SMC5: variants seen among roughly 807,000 people sequenced by gnomAD.
SMC5 encodes structural maintenance of chromosomes protein 5.
A neutral mutation model predicts 148.3 loss-of-function variants in SMC5; 88 were observed. That is an observed-to-expected ratio of 0.59 (90% CI 0.50 to 0.71). SMC5 has a LOEUF of 0.71. Among genes scored for constraint, SMC5 ranks in the 30% least tolerant of loss-of-function variants. The pLI is 0.00. For synonymous variants in SMC5, 421 were observed against 432.8 expected (o/e 0.97, Z 0.34); for missense variants, 1,142 against 1,298.9 (o/e 0.88, Z 1.86).
rs376654321 is a variant in SMC5 at position 70,303,497 on chromosome 9, G to A, written c.1465-1750G>A. On this transcript the variant is annotated intron_variant, in intron 10 of 24. Transcript: ENST00000361138. ...TTGTTCATAGCGTTTATGCCTGGAT[G>A]ATGGTTTTCATGTGGTTTTAATTTT... Among the ~76,000 whole-genome samples the A allele has an allele frequency of 3.3e-5, 5 of 152,126 alleles. No individual in the cohort carries two copies. The East Asian group carries it at 9.6e-4, about 29-fold the overall frequency.
In SMC5 at chr9:70,322,277, C is replaced by T. The variant is rs747542743; in HGVS notation, c.2151-1206C>T. Among the ~76,000 whole-genome samples the T allele has an allele frequency of 5.1e-4, 78 of 152,286 alleles. 1 individual carries two copies. Among genetic ancestry groups the T allele is most frequent in the Admixed American group, 2.9e-3 (45 of 15,302 alleles). On this transcript the variant is annotated intron_variant, in intron 15 of 24. Coordinates refer to ENST00000361138, the MANE Select transcript of SMC5 (RefSeq NM_015110.4). Reference sequence around the variant, plus strand: ...CATTCCTATTCAATCTTCTGCAAAACGCTCAACCTTTATTGCGCAATTGCT... The same window carrying T: ...CATTCCTATTCAATCTTCTGCAAAATGCTCAACCTTTATTGCGCAATTGCT...
At chr9:70,291,467 T>A (rs2035058645) in intron 8 of SMC5, among the ~76,000 whole-genome samples, 1 of 152,232 alleles carries the variant, frequency 6.6e-6, no homozygotes, top group South Asian at 2.1e-4. Flanking sequence ...CAGGTCTTTC[T>A]GGATCATGTA....
rs753577482 is a variant in SMC5 at position 70,286,294 on chromosome 9, T to G, written c.1053+23T>G. 5.4e-6 allele frequency: 8 copies of G among 1,470,018 alleles called. No individual in the cohort carries two copies. In the African/African-American group the frequency reaches 8.5e-5, roughly 16 times the overall value. 91.1% of individuals were successfully genotyped at this position (1,470,018 alleles called of 1,614,324 possible). ...CATGTAAGGTTTCATACTAAAATTT[T>G]TATTACATTAAAGTTTGCTCTAACT... On this transcript the variant is annotated intron_variant, in intron 8 of 24. Transcript: ENST00000361138.
intron 13 of SMC5, 142 bp downstream of exon 13, chr9:70,315,720 A>G (rs541598020): frequency 1.4e-5 from 8 of 582,346 alleles, no homozygotes; most frequent in Non-Finnish European, 2.1e-5. Context: ...ATTTGTATTA[A>G]TTATTTTCCA....
chr9:70,332,625 A>T (rs1367757695), intron 17 of SMC5, among the ~76,000 whole-genome samples: 2 of 152,120 alleles, frequency 1.3e-5, no homozygotes, highest in Admixed American at 6.5e-5. Context: ...TGAGGCCAGC[A>T]TTACCTGATA....
rs1351122299 is a variant in SMC5, at chr9:70,353,608, T to C, written c.*1277T>C. 6.6e-6 allele frequency: 1 copy of C among 152,186 alleles called. No homozygotes were observed. The highest frequency in any genetic ancestry group is 2.4e-5 in the African/African-American group (1 of 41,452). The allele number at this position is 152,186 out of a possible 1,614,324, so 9.4% of individuals were successfully genotyped here. ...GGTTTTGTATATTCTTAAGTAGCCATTGAAATTTATATTCTTAACTAGGTC... is the reference window on the plus strand; with the variant it reads ...GGTTTTGTATATTCTTAAGTAGCCACTGAAATTTATATTCTTAACTAGGTC... On this transcript the variant is annotated 3_prime_UTR_variant, in exon 25 of 25. Coordinates refer to ENST00000361138, the MANE Select transcript of SMC5 (RefSeq NM_015110.4).
chr9:70,292,669 G>C (rs965330580), intron 8 of SMC5, among the ~76,000 whole-genome samples: 3 of 152,168 alleles, frequency 2.0e-5, no homozygotes, highest in African/African-American at 2.4e-5. Context: ...GTCAGATTCA[G>C]GAAATTCTTA....
Position 70,352,238 on chromosome 9 carries a change from C to T in SMC5, c.3213C>T (p.Val1071=). ...PYSEKMTVLF[V]YNGPHMLEPN... is the part of the protein sequence containing the mutation. ...CTGAAAAGATGACAGTTTTGTTTGT[C>T]TACAATGGCCCTCATATGCTGGAAC... The change falls in exon 25 of 25, where the codon GTC becomes GTT. Residue 1071 remains valine, a synonymous_variant. Coordinates refer to ENST00000361138, the MANE Select transcript of SMC5 (RefSeq NM_015110.4). 6.2e-7 allele frequency: 1 copy of T among 1,612,708 alleles called. No homozygotes were observed. The highest frequency in any genetic ancestry group is 8.5e-7 in the Non-Finnish European group (1 of 1,179,622).
chr9:70,314,756 A>G lies in SMC5; in HGVS notation c.1593A>G (p.Lys531=). Residue 531 remains lysine, a synonymous_variant, in exon 12 of 25, where the codon AAA becomes AAG. Transcript: ENST00000361138. ...CCTATATTCAGGTTCGTGACAATAA[A>G]AAATTAAGAGTAAATGCTGTTATTG... ...EVFLKEVRDN[K]KLRVNAVIAP... is the part of the protein sequence containing the mutation. The G allele has an allele frequency of 6.4e-7, 1 of 1,554,036 alleles. No homozygotes were observed.
Position 70,322,989 on chromosome 9 carries a change from C to T in SMC5, c.2151-494C>T, listed in dbSNP as rs559316561. 4.6e-5 allele frequency among the ~76,000 whole-genome samples: 7 copies of T among 152,298 alleles called. No homozygotes were observed. The South Asian group carries it at 1.5e-3, about 32-fold the overall frequency. Reference sequence around the variant, plus strand: ...CCCTCCCCTCCCCAACATACTCGTCCTTGTACCATTCTGGCCACTCTCTAC... The same window carrying T: ...CCCTCCCCTCCCCAACATACTCGTCTTTGTACCATTCTGGCCACTCTCTAC... On this transcript the variant is annotated intron_variant, in intron 15 of 24. Transcript: ENST00000361138.
At position 70,314,781 on chromosome 9, in the gene SMC5, G is replaced by C. The variant is rs2041704861; in HGVS notation, c.1618G>C (p.Ala540Pro). ...AAAATTAAGAGTAAATGCTGTTATT[G>C]CTCCCAAGAGTTCATATGCAGACAA... ...NKKLRVNAVI[A>P]PKSSYADKAP... The change falls in exon 12 of 25, where the codon GCT (alanine) becomes CCT (proline). Residue 540 changes from alanine to proline, a missense_variant. This residue lies in a region of SMC5 where 743 missense variants were observed against 835.7 expected (regional missense o/e 0.89). Coordinates refer to ENST00000361138, the MANE Select transcript of SMC5 (RefSeq NM_015110.4). 1.9e-6 allele frequency: 3 copies of C among 1,572,334 alleles called. No individual in the cohort carries two copies. Among genetic ancestry groups the C allele is most frequent in the Non-Finnish European group, 2.6e-6 (3 of 1,158,706 alleles).
intron 8 of SMC5, among the ~76,000 whole-genome samples, chr9:70,296,771 G>A (rs956229216): frequency 4.6e-5 from 7 of 152,106 alleles, no homozygotes; most frequent in African/African-American, 7.2e-5. Flanking sequence ...TGTAAATTGG[G>A]CATATAAGTG....
intron 7 of SMC5, among the ~76,000 whole-genome samples, chr9:70,284,260 A>G (rs1046139570): frequency 3.9e-5 from 6 of 152,212 alleles, no homozygotes; most frequent in Non-Finnish European, 7.3e-5. Context: ...AAGATCAGAT[A>G]AAGGTTTTAG....
At position 70,350,499 on chromosome 9, in the gene SMC5, C is replaced by A; in HGVS notation, c.3165+28C>A. 2.0e-6 allele frequency: 3 copies of A among 1,470,046 alleles called. No homozygotes were observed. The South Asian group carries it at 3.8e-5, about 19-fold the overall frequency. 91.1% of individuals were successfully genotyped at this position (1,470,046 alleles called of 1,614,324 possible). ...AGGTAAAAAGTAACCTAAAAGTGGT[C>A]ATATACTCAGAAATCTCCTGTGACA... On this transcript the variant is annotated intron_variant, in intron 24 of 24. Coordinates refer to ENST00000361138, the MANE Select transcript of SMC5 (RefSeq NM_015110.4).
rs1303008566 is a variant in SMC5 at position 70,337,464 on chromosome 9, TTTTTTTTTTTG to T, written c.2398-6679_2398-6669del. 4.3e-4 allele frequency among the ~76,000 whole-genome samples: 18 copies of T among 41,858 alleles called. No individual in the cohort carries two copies. The Admixed American group carries it at 6.7e-3, about 16-fold the overall frequency. The allele number at this position is 41,858 out of a possible 152,430, so 27.5% of individuals were successfully genotyped here. On this transcript the variant is annotated intron_variant, in intron 17 of 24. Transcript: ENST00000361138. ...TTTTGGGATTTGTTTTTTTTTTTTT[TTTTTTTTTTTG>T]GAGACAGTCTTGCTCTGTCACCGAG...
At chr9:70,289,033 G>T (rs1390397012) in intron 8 of SMC5, among the ~76,000 whole-genome samples, 2 of 151,714 alleles carry the variant, frequency 1.3e-5, no homozygotes, top group Non-Finnish European at 2.9e-5. Context: ...TTTAGTTTTT[G>T]TTGTTGTTGT....
intron 11 of SMC5, among the ~76,000 whole-genome samples, chr9:70,307,797 C>A (rs942155286): frequency 1.1e-4 from 16 of 152,142 alleles, no homozygotes; most frequent in Non-Finnish European, 2.1e-4. Flanking sequence ...AACCACCACG[C>A]CCGGTCAATT....
intron 3 of SMC5, among the ~76,000 whole-genome samples, chr9:70,270,642 ATTTTTTTTT>A (rs71364589): frequency 1.9e-5 from 2 of 103,818 alleles, no homozygotes; most frequent in African/African-American, 3.8e-5. Flanking sequence ...AGACTAAATA[ATTTTTTTTT>A]TTTTTTTTTT....
chr9:70,345,984 G>A (rs1274616846), intron 18 of SMC5, among the ~76,000 whole-genome samples: 1 of 152,068 alleles, frequency 6.6e-6, no homozygotes, highest in Non-Finnish European at 1.5e-5. Flanking sequence ...ACTTGCTGAT[G>A]GATTTGACAT....
Sources: allele counts gnomAD v4.1 joint callset (sites outside exome capture counted in the v4.1 genomes callset), GRCh38; gene constraint gnomAD v4.1.1; regional missense constraint gnomAD v4.1.1; transcripts MANE v1.5; gene names NCBI Gene and HGNC (gene_info 2026-07-23, HGNC 2026-07-21).